Variants in ARFGEF3 observed in about 807,000 individuals in gnomAD.
ARFGEF3 encodes the protein ARFGEF family member 3.
ARFGEF3 carries 96 observed loss-of-function variants against 221.7 expected under a neutral mutation model. That is an observed-to-expected ratio of 0.43 (90% CI 0.37 to 0.51). The LOEUF is 0.51. ARFGEF3 is among the 20% of genes least tolerant of loss of function. The probability of loss-of-function intolerance (pLI) is 0.00; values close to 1 mark genes in which losing one functional copy is unlikely to be tolerated. For missense variants in ARFGEF3, 2,410 were observed against 2,789.9 expected (o/e 0.86, Z 3.07); for synonymous variants, 1,145 against 1,126.8 (o/e 1.02, Z -0.32).
intron 3 of ARFGEF3, among the ~76,000 whole-genome samples, chr6:138,209,412 A>G (rs754682745): frequency 1.9e-4 from 29 of 152,170 alleles, no homozygotes; most frequent in Non-Finnish European, 3.4e-4. Context: ...AATAGCAGGA[A>G]AAGGTCTTTG....
At chr6:138,311,254 G>A (rs1215142643) in intron 24 of ARFGEF3, among the ~76,000 whole-genome samples, 153 bp from the exon 25 acceptor site, 2 of 152,154 alleles carry the variant, frequency 1.3e-5, no homozygotes, top group African/African-American at 4.8e-5. Context: ...TTTTCCTCAG[G>A]GTTGTGCAAT....
intron 2 of ARFGEF3, among the ~76,000 whole-genome samples, chr6:138,190,416 T>C (rs1436568941): frequency 6.6e-6 from 1 of 151,998 alleles, no homozygotes; most frequent in Admixed American, 6.6e-5. Context: ...GAGCCGAGCA[T>C]GTGTTTGATG....
intron 2 of ARFGEF3, among the ~76,000 whole-genome samples, chr6:138,205,541 A>T (rs1777610537): frequency 6.6e-6 from 1 of 152,166 alleles, no homozygotes; most frequent in South Asian, 2.1e-4. Flanking sequence ...CATTGCATAA[A>T]GGAAACAAAA....
At chr6:138,179,706 T>C (rs1180096179) in intron 2 of ARFGEF3, among the ~76,000 whole-genome samples, 1 of 152,248 alleles carries the variant, frequency 6.6e-6, no homozygotes, top group Non-Finnish European at 1.5e-5. Flanking sequence ...TCATATGGTT[T>C]TACTTTAATT....
rs1779088949 is a variant in ARFGEF3, at chr6:138,275,972, A to T, written c.2129-2479A>T. Among the ~76,000 whole-genome samples the T allele has an allele frequency of 2.0e-5, 3 of 152,216 alleles. No homozygotes were observed. In the South Asian group the frequency reaches 6.2e-4, roughly 32 times the overall value. ...TACACATGATTTGCAGAGTGTATGG[A>T]CATGTGTAATTTGCATGCACAAATG... On this transcript the variant is annotated intron_variant, in intron 12 of 33. Coordinates refer to ENST00000251691, the MANE Select transcript of ARFGEF3 (RefSeq NM_020340.5).
At chr6:138,176,527 G>A (rs1354523478) in intron 2 of ARFGEF3, among the ~76,000 whole-genome samples, 2 of 152,144 alleles carry the variant, frequency 1.3e-5, no homozygotes, top group Non-Finnish European at 2.9e-5. Flanking sequence ...TATATTTTAA[G>A]TGGAGCATTT....
intron 1 of ARFGEF3, among the ~76,000 whole-genome samples, chr6:138,167,362 G>A (rs546000292): frequency 6.6e-6 from 1 of 152,154 alleles, no homozygotes; most frequent in Non-Finnish European, 1.5e-5. Flanking sequence ...GTCGACACCA[G>A]TGCTCTGAAA....
At chr6:138,259,509 C>CCT (rs1778747997) in intron 10 of ARFGEF3, among the ~76,000 whole-genome samples, 1 of 152,232 alleles carries the variant, frequency 6.6e-6, no homozygotes. Flanking sequence ...GATCCCACAA[C>CCT]TCTCATTCCC....
At position 138,308,821 on chromosome 6, in the gene ARFGEF3, T is replaced by A. The variant is rs1442501597; in HGVS notation, c.4056T>A (p.Thr1352=). 2 of 1,614,022 alleles carry A rather than the reference T, an allele frequency of 1.2e-6. No individual in the cohort carries two copies. ...DNIQVFANAA[T]SYIMCLMKFV... ...TCCAGGTCTTTGCTAATGCAGCCAC[T>A]AGCTACATCATGTGCCTTATGAAGT... The change falls in exon 24 of 34, where the codon ACT becomes ACA. Residue 1352 remains threonine (T), a synonymous_variant. Coordinates refer to ENST00000251691, the MANE Select transcript of ARFGEF3 (RefSeq NM_020340.5).
chr6:138,314,366 T>G (rs886342258), intron 26 of ARFGEF3, among the ~76,000 whole-genome samples: 1 of 152,214 alleles, frequency 6.6e-6, no homozygotes, highest in African/African-American at 2.4e-5. Context: ...TTAACACTGT[T>G]GCATTATGGA....
chr6:138,227,412 A>G (rs1778105981), intron 4 of ARFGEF3, among the ~76,000 whole-genome samples: 1 of 152,072 alleles, frequency 6.6e-6, no homozygotes, highest in African/African-American at 2.4e-5. Flanking sequence ...TCCTAAACCT[A>G]CCTTTGTGTA....
At chr6:138,318,420 A>G (rs916047189) in intron 27 of ARFGEF3, among the ~76,000 whole-genome samples, 6 of 152,356 alleles carry the variant, frequency 3.9e-5, no homozygotes, top group African/African-American at 1.2e-4. Context: ...CATCTTGAAT[A>G]CCAAAAATTA....
Position 138,321,174 on chromosome 6 carries a change from G to A in ARFGEF3, c.4715G>A (p.Cys1572Tyr), listed in dbSNP as rs1260525973. ...LKDLFELLVA[C>Y]VAKPTETISR... ...GACCTCTTTGAGTTGCTGGTCGCCT[G>A]TGTGGCCAAGCCCACTGAAACCATC... Residue 1572 changes from cysteine (C) to tyrosine (Y), a missense_variant, in exon 29 of 34, where the codon TGT becomes TAT. Coordinates refer to ENST00000251691, the MANE Select transcript of ARFGEF3 (RefSeq NM_020340.5). 6.4e-7 allele frequency: 1 copy of A among 1,563,736 alleles called. No homozygotes were observed. The highest frequency in any genetic ancestry group is 1.9e-5 in the Admixed American group (1 of 52,916).
At chr6:138,245,431 G>A in intron 7 of ARFGEF3, 82 bp from the exon 8 acceptor site, 4 of 933,450 alleles carry the variant, frequency 4.3e-6, no homozygotes, top group Non-Finnish European at 6.9e-6. Flanking sequence ...ACCATCTAAA[G>A]TGGAGGATGG....
At chr6:138,286,524 A>G (rs1779298170) in intron 15 of ARFGEF3, among the ~76,000 whole-genome samples, 177 bp from the exon 16 acceptor site, 1 of 152,220 alleles carries the variant, frequency 6.6e-6, no homozygotes, top group African/African-American at 2.4e-5. Context: ...ATAATGCAAC[A>G]TTTATTATTT....
chr6:138,261,687 G>T, intron 11 of ARFGEF3, 48 bp downstream of exon 11: 2 of 1,148,882 alleles, frequency 1.7e-6, no homozygotes, highest in South Asian at 1.8e-5. Context: ...CTTTTCTGAA[G>T]ACTTTTAACC....
At chr6:138,328,636 C>T (rs1562218079) in intron 32 of ARFGEF3, among the ~76,000 whole-genome samples, 1 of 152,052 alleles carries the variant, frequency 6.6e-6, no homozygotes, top group Admixed American at 6.6e-5. Flanking sequence ...TTCTGAGGTA[C>T]CAGGGGTTAG....
intron 12 of ARFGEF3, among the ~76,000 whole-genome samples, chr6:138,268,168 T>A (rs1778932005): frequency 6.6e-6 from 1 of 152,156 alleles, no homozygotes. Flanking sequence ...GCCACTTCCA[T>A]GATTAAAAAT....
chr6:138,310,583 T>C (rs1446750303), intron 24 of ARFGEF3, among the ~76,000 whole-genome samples: 1 of 152,216 alleles, frequency 6.6e-6, no homozygotes, highest in Non-Finnish European at 1.5e-5. Context: ...CATGCCTCTT[T>C]GCTTCTGAAT....
Sources: gnomAD v4.1 joint callset for allele counts (sites outside exome capture counted in the v4.1 genomes callset) on GRCh38, gnomAD v4.1.1 for gene constraint, MANE v1.5 for transcripts, NCBI Gene and HGNC (gene_info 2026-07-23, HGNC 2026-07-21) for gene names.